The following GNAQ variants were observed in gnomAD, a reference collection of about 807,000 sequenced individuals.
GNAQ encodes the protein G protein subunit alpha q.
In GNAQ, 8 loss-of-function variants were observed where a neutral mutation model predicts 43.9. The ratio of observed to expected loss-of-function variants is 0.18; its 90% CI spans 0.11 to 0.33. The LOEUF is 0.33. Ranked by LOEUF, GNAQ falls within the 10% of genes least tolerant of loss-of-function variation. The pLI, the probability that GNAQ is intolerant of heterozygous loss-of-function variation, is 1.00. For missense variants in GNAQ, 158 were observed against 450.8 expected, an observed-to-expected ratio of 0.35 and a Z score of 5.88; for synonymous variants, 155 against 170.7, an observed-to-expected ratio of 0.91 and a Z score of 0.71.
chr9:77,814,339 GAGA>G (rs750362085), intron 3 of GNAQ, among the ~76,000 whole-genome samples: 5 of 152,108 alleles, frequency 3.3e-5, no homozygotes, highest in Admixed American at 6.5e-5. Flanking sequence ...GACCAGAAAT[GAGA>G]AGAACTATAT....
chr9:77,951,343 C>A lies in GNAQ; in HGVS notation c.137-28998G>T, dbSNP rs563939680. ...GAACTCCTGGCCTCAAGTGATCTGC[C>A]CGCCTTGGCCTCCCAAAGTGCTGGG... On this transcript the variant is annotated intron_variant, in intron 1 of 6. Transcript: ENST00000286548. Among the ~76,000 whole-genome samples, 6 of 152,140 alleles carry A rather than the reference C, an allele frequency of 3.9e-5. No individual in the cohort carries two copies. The South Asian group carries it at 1.2e-3, about 32-fold the overall frequency.
intron 5 of GNAQ, among the ~76,000 whole-genome samples, chr9:77,784,188 A>G (rs1400058908): frequency 6.6e-6 from 1 of 151,788 alleles, no homozygotes; most frequent in Non-Finnish European, 1.5e-5. Flanking sequence ...GTATATTTTT[A>G]TGAGCCAACC....
intron 2 of GNAQ, among the ~76,000 whole-genome samples, chr9:77,828,059 CAAAAAAAAAAAAAAAAAAAAAAAAAA>C (rs71360654): frequency 5.2e-5 from 1 of 19,224 alleles, no homozygotes; most frequent in Non-Finnish European, 9.6e-5. Context: ...GACTCCTCCT[CAAAAAAAAAAAAAAAAAAAAAAAAAA>C]AAAAAAAAGA....
intron 1 of GNAQ, among the ~76,000 whole-genome samples, chr9:77,928,890 C>T (rs1013093257): frequency 4.6e-5 from 7 of 151,940 alleles, no homozygotes; most frequent in Admixed American, 2.0e-4. Context: ...CGTAGTGAGG[C>T]GCCTATAATC....
intron 3 of GNAQ, among the ~76,000 whole-genome samples, chr9:77,806,877 C>A (rs1826838755): frequency 6.6e-6 from 1 of 152,130 alleles, no homozygotes; most frequent in Non-Finnish European, 1.5e-5. Context: ...TTATAAATAA[C>A]CGTAATACAA....
intron 2 of GNAQ, among the ~76,000 whole-genome samples, chr9:77,823,007 T>G (rs1827140894): frequency 6.6e-6 from 1 of 151,656 alleles, no homozygotes; most frequent in Non-Finnish European, 1.5e-5. Flanking sequence ...GTGGCAAATC[T>G]CGGCTCACTG....
rs535177012 is a variant in GNAQ, at chr9:77,937,589, A to G, written c.137-15244T>C. 1.3e-4 allele frequency among the ~76,000 whole-genome samples: 20 copies of G among 152,154 alleles called. No individual in the cohort carries two copies. The East Asian group carries it at 3.1e-3, about 24-fold the overall frequency. ...TGTCAAATACCTAACTACTCAAAACATCACACTACTTAGAAAAGCTTGGCC... is the reference window on the plus strand; with the variant it reads ...TGTCAAATACCTAACTACTCAAAACGTCACACTACTTAGAAAAGCTTGGCC... On this transcript the variant is annotated intron_variant, in intron 1 of 6. Coordinates refer to ENST00000286548, the MANE Select transcript of GNAQ (RefSeq NM_002072.5).
At chr9:77,990,231 T>C (rs1265785769) in intron 1 of GNAQ, among the ~76,000 whole-genome samples, 5 of 152,240 alleles carry the variant, frequency 3.3e-5, no homozygotes, top group Non-Finnish European at 7.3e-5. Context: ...ATTGTATTTC[T>C]TTCTTTAATT....
chr9:77,771,738 T>C (rs1332276484), intron 5 of GNAQ, among the ~76,000 whole-genome samples: 2 of 152,052 alleles, frequency 1.3e-5, no homozygotes, highest in Non-Finnish European at 2.9e-5. Flanking sequence ...CTGCATGAGG[T>C]TGCATGTCTG....
intron 5 of GNAQ, among the ~76,000 whole-genome samples, chr9:77,792,449 T>G (rs114199164): frequency 1.3e-5 from 2 of 152,104 alleles, no homozygotes; most frequent in African/African-American, 4.8e-5. Flanking sequence ...ATAAAAACGA[T>G]GCCATTTTAT....
At position 77,911,730 on chromosome 9, in the gene GNAQ, G is replaced by A. The variant is rs112700605; in HGVS notation, c.321+10431C>T. Among the ~76,000 whole-genome samples the A allele has an allele frequency of 5.7e-3, 867 of 152,260 alleles. 2 individuals are homozygous for A. The highest frequency in any genetic ancestry group is 0.02 in the African/African-American group (818 of 41,560). On this transcript the variant is annotated intron_variant, in intron 2 of 6. Coordinates refer to ENST00000286548, the MANE Select transcript of GNAQ (RefSeq NM_002072.5). ...GCCATGTTGGCCCAAAAAGCGATTT[G>A]TGGAAGGGGAATTTGGTAGAACTCC...
At chr9:77,849,385 C>T (rs1056920403) in intron 2 of GNAQ, among the ~76,000 whole-genome samples, 10 of 152,038 alleles carry the variant, frequency 6.6e-5, no homozygotes, top group South Asian at 2.1e-4. Flanking sequence ...CAGACAATAT[C>T]GAGACAAAGC....
At chr9:77,900,751 T>C (rs937880630) in intron 2 of GNAQ, among the ~76,000 whole-genome samples, 1 of 150,832 alleles carries the variant, frequency 6.6e-6, no homozygotes, top group African/African-American at 2.5e-5. Flanking sequence ...ATTCTCCACT[T>C]ACTTACCCTT....
intron 5 of GNAQ, among the ~76,000 whole-genome samples, chr9:77,768,553 T>C (rs1452640804): frequency 1.3e-5 from 2 of 152,240 alleles, no homozygotes; most frequent in Non-Finnish European, 2.9e-5. Context: ...CAAGATGCAC[T>C]ACCATCTTGA....
intron 5 of GNAQ, among the ~76,000 whole-genome samples, chr9:77,729,391 C>G (rs964246186): frequency 1.3e-4 from 20 of 152,158 alleles, no homozygotes; most frequent in African/African-American, 4.8e-4. Flanking sequence ...GCTACACTTT[C>G]AAGCCTACCT....
intron 2 of GNAQ, among the ~76,000 whole-genome samples, chr9:77,857,577 G>A (rs1243114735): frequency 2.0e-5 from 3 of 146,544 alleles, no homozygotes; most frequent in Non-Finnish European, 4.5e-5. Context: ...AAGGAAGGAA[G>A]GGTAGAAAAG....
At chr9:77,992,155 T>C (rs998193728) in intron 1 of GNAQ, among the ~76,000 whole-genome samples, 1 of 152,348 alleles carries the variant, frequency 6.6e-6, no homozygotes, top group South Asian at 2.1e-4. Context: ...CTGTTTTCCA[T>C]AGTGGTTGTA....
rs1248080559 is a variant in GNAQ at position 77,720,115 on chromosome 9, G to T, written c.*1208C>A. 1.7e-5 allele frequency: 4 copies of T among 232,708 alleles called. No homozygotes were observed. The highest frequency in any genetic ancestry group is 3.4e-5 in the Non-Finnish European group (4 of 117,780). The allele number at this position is 232,708 out of a possible 1,614,324, so 14.4% of individuals were successfully genotyped here. The stretch of plus-strand genomic sequence containing the variant: ...CCGGTTTGGACACTGAACATGGGAC[G>T]TGAACACTAACAATGTCATCTTAAG... On this transcript the variant is annotated 3_prime_UTR_variant, in exon 7 of 7. Coordinates refer to ENST00000286548, the MANE Select transcript of GNAQ (RefSeq NM_002072.5).
chr9:77,831,216 T>C (rs1283858843), intron 2 of GNAQ, among the ~76,000 whole-genome samples: 1 of 152,232 alleles, frequency 6.6e-6, no homozygotes, highest in Non-Finnish European at 1.5e-5. Flanking sequence ...CACAAATTAA[T>C]CATTTTTTAA....
Sources: gnomAD v4.1 joint callset for allele counts (sites outside exome capture counted in the v4.1 genomes callset) on GRCh38, gnomAD v4.1.1 for gene constraint, MANE v1.5 for transcripts, NCBI Gene and HGNC (gene_info 2026-07-23, HGNC 2026-07-21) for gene names.